Variants in NCOR1 observed in about 807,000 individuals in gnomAD.
NCOR1 encodes nuclear receptor corepressor 1, also known as protein phosphatase 1, regulatory subunit 109.
NCOR1 carries 63 observed loss-of-function variants against 288.1 expected under a neutral mutation model. The ratio of observed to expected loss-of-function variants is 0.22; its 90% CI spans 0.18 to 0.27. The LOEUF (loss-of-function observed/expected upper bound fraction) is 0.27, where lower values mean the gene tolerates loss of function less well. Ranked by LOEUF, NCOR1 falls within the 10% of genes least tolerant of loss-of-function variation. The pLI is 1.00. For synonymous variants in NCOR1, 1,007 were observed against 1,065.9 expected, an observed-to-expected ratio of 0.94 and a Z score of 1.08; for missense variants, 2,397 against 3,019.2, an observed-to-expected ratio of 0.79 and a Z score of 4.83.
intron 3 of NCOR1, among the ~76,000 whole-genome samples, chr17:16,183,333 TG>T (rs1449556284): frequency 6.7e-6 from 1 of 149,726 alleles, no homozygotes; most frequent in Non-Finnish European, 1.5e-5. Context: ...CACAATCCTA[TG>T]TATAAAAGTT....
At chr17:16,212,045 A>G (rs1186244904) in intron 1 of NCOR1, among the ~76,000 whole-genome samples, 1 of 152,144 alleles carries the variant, frequency 6.6e-6, no homozygotes, top group African/African-American at 2.4e-5. Context: ...TGGGAGGCCA[A>G]GGCGGGTAGA....
intron 1 of NCOR1, among the ~76,000 whole-genome samples, chr17:16,199,646 A>C (rs889960242): frequency 5.3e-5 from 8 of 152,208 alleles, no homozygotes; most frequent in African/African-American, 1.9e-4. Context: ...TTCAGACTGA[A>C]GGGGAAGGGA....
intron 20 of NCOR1, among the ~76,000 whole-genome samples, chr17:16,099,394 A>T (rs9913754): frequency 0.031 from 4,793 of 152,320 alleles, 123 homozygotes; most frequent in African/African-American, 0.058. Flanking sequence ...GAATGTATTT[A>T]AAAAAACAAT....
intron 2 of NCOR1, among the ~76,000 whole-genome samples, chr17:16,190,563 G>A (rs1286595707): frequency 6.6e-6 from 1 of 150,646 alleles, no homozygotes; most frequent in African/African-American, 2.5e-5. Flanking sequence ...AGATGATCTC[G>A]ATCTCCTGAC....
intron 16 of NCOR1, among the ~76,000 whole-genome samples, chr17:16,120,662 G>A (rs2072811709): frequency 1.3e-5 from 2 of 152,094 alleles, no homozygotes; most frequent in East Asian, 3.9e-4. Context: ...TGTGAATAAA[G>A]ATTTTTTTAT....
At chr17:16,185,472 C>T (rs765338025) in intron 3 of NCOR1, among the ~76,000 whole-genome samples, 2 of 151,818 alleles carry the variant, frequency 1.3e-5, no homozygotes, top group African/African-American at 4.8e-5. Context: ...TCACTTGAGG[C>T]CCAGAATTCA....
rs770048145 is a variant in NCOR1, at chr17:16,075,514, T to A, written c.3670+20A>T. On this transcript the variant is annotated intron_variant, in intron 27 of 45. Transcript: ENST00000268712. Reference sequence around the variant, plus strand: ...GCACATATTGTAATACTGGCTTTGGTGCATACATACAATACTTACTATCAT... The same window carrying A: ...GCACATATTGTAATACTGGCTTTGGAGCATACATACAATACTTACTATCAT... The A allele has an allele frequency of 2.5e-6, 4 of 1,610,966 alleles. No individual in the cohort carries two copies. Among genetic ancestry groups the A allele is most frequent in the Admixed American group, 1.7e-5 (1 of 59,936 alleles).
intron 19 of NCOR1, among the ~76,000 whole-genome samples, chr17:16,103,313 T>C (rs967439866): frequency 2.0e-5 from 3 of 152,200 alleles, no homozygotes; most frequent in Non-Finnish European, 4.4e-5. Flanking sequence ...CTTGAATCTA[T>C]CCAATCCTGT....
rs141794622 is a variant in NCOR1 at position 16,059,045 on chromosome 17, G to A, written c.5882-446C>T. 3.0e-3 allele frequency among the ~76,000 whole-genome samples: 259 copies of A among 84,954 alleles called. 1 individual carries two copies. The highest frequency in any genetic ancestry group is 9.2e-3 in the African/African-American group (174 of 18,866). The allele number at this position is 84,954 out of a possible 152,430, so 55.7% of individuals were successfully genotyped here. A position where few individuals can be genotyped will look rare whatever the true frequency, so the allele number is the denominator to read the frequency against. ...TTCTGGGCAACAAGAGCGAAACTCC[G>A]TCTCAAAAAAAAAAAAAAAAAAAAA... On this transcript the variant is annotated intron_variant, in intron 37 of 45. Coordinates refer to ENST00000268712, the MANE Select transcript of NCOR1 (RefSeq NM_006311.4).
intron 26 of NCOR1, 23 bp downstream of exon 26, chr17:16,079,941 T>C (rs757662080): frequency 1.3e-6 from 2 of 1,568,344 alleles, no homozygotes; most frequent in African/African-American, 1.4e-5. Context: ...CTGTTGAGTA[T>C]ATCAGAGATG....
intron 14 of NCOR1, among the ~76,000 whole-genome samples, chr17:16,135,748 G>A (rs1226422644): frequency 6.6e-6 from 1 of 152,164 alleles, no homozygotes; most frequent in Non-Finnish European, 1.5e-5. Context: ...CATGTGGGGT[G>A]GTGGTGTTCT....
intron 18 of NCOR1, among the ~76,000 whole-genome samples, chr17:16,111,546 GAGCCAAGA>G (rs2070182052): frequency 6.6e-6 from 1 of 151,884 alleles, no homozygotes; most frequent in Non-Finnish European, 1.5e-5. Flanking sequence ...AGGTTGCAGT[GAGCCAAGA>G]TCAAGCCACT....
chr17:16,067,990 G>A lies in NCOR1; in HGVS notation c.4645C>T (p.Pro1549Ser), dbSNP rs752564662. Reference sequence around the variant, plus strand: ...CCTGCAGTGCTGCCTCTGTGATGGGGATCAAACGGACTGTGGCTCACGACA... The same window carrying A: ...CCTGCAGTGCTGCCTCTGTGATGGGAATCAAACGGACTGTGGCTCACGACA... Reference protein sequence around the residue: ...DPVVSHSPFDPHHRGSTAGEV... With the variant: ...DPVVSHSPFDSHHRGSTAGEV... The change falls in exon 32 of 46, where the codon CCC (proline) becomes TCC (serine). Residue 1549 changes from proline to serine, a missense_variant. Transcript: ENST00000268712. The A allele has an allele frequency of 6.2e-7, 1 of 1,614,170 alleles. No individual in the cohort carries two copies. Among genetic ancestry groups the A allele is most frequent in the Admixed American group, 1.7e-5 (1 of 60,026 alleles).
chr17:16,073,791 G>C (rs1181929976), intron 27 of NCOR1, among the ~76,000 whole-genome samples: 1 of 152,188 alleles, frequency 6.6e-6, no homozygotes, highest in Non-Finnish European at 1.5e-5. Flanking sequence ...TTGCAGGTAA[G>C]ATTAACAAAT....
intron 28 of NCOR1, 136 bp downstream of exon 28, chr17:16,073,291 CAG>C (rs2061983935): frequency 6.9e-6 from 5 of 728,528 alleles, no homozygotes; most frequent in Middle Eastern, 4.1e-4. Context: ...GTGGAAATGA[CAG>C]AAATTGCATA....
intron 2 of NCOR1, among the ~76,000 whole-genome samples, chr17:16,193,245 T>A (rs2088952727): frequency 6.6e-6 from 1 of 152,166 alleles, no homozygotes; most frequent in Non-Finnish European, 1.5e-5. Flanking sequence ...TTTTGTTTTT[T>A]TTAAGATGGG....
intron 4 of NCOR1, 108 bp from the exon 5 acceptor site, chr17:16,165,269 T>C (rs796602104): frequency 3.6e-6 from 3 of 823,024 alleles, no homozygotes; most frequent in Admixed American, 3.5e-5. Context: ...TGTGTACTAT[T>C]TGTCTAATGA....
chr17:16,133,504 G>A (rs2075965197), intron 14 of NCOR1, among the ~76,000 whole-genome samples: 1 of 152,144 alleles, frequency 6.6e-6, no homozygotes, highest in African/African-American at 2.4e-5. Flanking sequence ...CAAATTAGTT[G>A]GATCTCTGTA....
intron 18 of NCOR1, among the ~76,000 whole-genome samples, chr17:16,112,876 T>C (rs2070623074): frequency 6.6e-6 from 1 of 152,178 alleles, no homozygotes; most frequent in Non-Finnish European, 1.5e-5. Context: ...TTCAAAATTT[T>C]AAATTATTAA....
Sources: gnomAD v4.1 joint callset for allele counts (sites outside exome capture counted in the v4.1 genomes callset) on GRCh38, gnomAD v4.1.1 for gene constraint, MANE v1.5 for transcripts, NCBI Gene and HGNC (gene_info 2026-07-23, HGNC 2026-07-21) for gene names.